GPHN: variants seen among roughly 807,000 people sequenced by gnomAD.
GPHN encodes the protein gephyrin.
A neutral mutation model predicts 95.5 loss-of-function variants in GPHN; 17 were observed. The observed-to-expected ratio is 0.18, with a 90% CI of 0.12 to 0.27. The LOEUF is 0.27. Ranked by LOEUF, GPHN falls within the 10% of genes least tolerant of loss-of-function variation. GPHN has a pLI of 1.00. For synonymous variants in GPHN, 320 were observed against 322.5 expected, an observed-to-expected ratio of 0.99 and a Z score of 0.08; for missense variants, 660 against 978.1, an observed-to-expected ratio of 0.67 and a Z score of 4.34.
the GPHN span, among the ~76,000 whole-genome samples, chr14:67,462,642 C>T: frequency 1.3e-5 from 2 of 152,188 alleles, no homozygotes; most frequent in African/African-American, 4.8e-5. Flanking sequence ...CCACGCCCGG[C>T]CAACAAAGAA....
chr14:66,723,636 G>T (rs1019557530), intron 2 of GPHN, among the ~76,000 whole-genome samples: 1 of 151,934 alleles, frequency 6.6e-6, no homozygotes, highest in African/African-American at 2.4e-5. Flanking sequence ...TTCTTAGGTT[G>T]CATTTATAGT....
At chr14:67,620,553 C>T in the GPHN span, among the ~76,000 whole-genome samples, 1 of 152,146 alleles carries the variant, frequency 6.6e-6, no homozygotes, top group Non-Finnish European at 1.5e-5. Flanking sequence ...TTGGAGCTGG[C>T]CTCTCCAGCG....
intron 5 of GPHN, 51 bp from the exon 6 acceptor site, chr14:66,915,952 A>G (rs1165193072): frequency 1.1e-6 from 1 of 946,746 alleles, no homozygotes; most frequent in South Asian, 1.3e-5. Flanking sequence ...ATGTATTTAA[A>G]CCGGGCATTC....
intron 5 of GPHN, among the ~76,000 whole-genome samples, chr14:66,883,699 A>G (rs2064040314): frequency 6.6e-6 from 1 of 152,038 alleles, no homozygotes; most frequent in Non-Finnish European, 1.5e-5. Flanking sequence ...CAGATTGTAA[A>G]TTCTGTCTCA....
At chr14:66,954,950 T>C (rs575206209) in intron 8 of GPHN, among the ~76,000 whole-genome samples, 1 of 152,336 alleles carries the variant, frequency 6.6e-6, no homozygotes, top group South Asian at 2.1e-4. Context: ...ACTCTTACAT[T>C]TTTGGAATAA....
chr14:66,708,171 C>T (rs1381624962), intron 2 of GPHN, among the ~76,000 whole-genome samples: 2 of 151,656 alleles, frequency 1.3e-5, no homozygotes, highest in South Asian at 2.1e-4. Flanking sequence ...TTCAAAGGCT[C>T]AAGCAATTTT....
chr14:67,030,931 A>G (rs1283481598), intron 10 of GPHN, among the ~76,000 whole-genome samples: 1 of 152,208 alleles, frequency 6.6e-6, no homozygotes, highest in Non-Finnish European at 1.5e-5. Flanking sequence ...AGAAACCAGT[A>G]TGGGAACAGA....
At chr14:67,422,433 G>A in the GPHN span, among the ~76,000 whole-genome samples, 1 of 152,194 alleles carries the variant, frequency 6.6e-6, no homozygotes, top group African/African-American at 2.4e-5. Context: ...AATACACTCT[G>A]TGTGAATTTG....
the GPHN span, among the ~76,000 whole-genome samples, chr14:67,536,589 G>A: frequency 6.6e-6 from 1 of 151,802 alleles, no homozygotes; most frequent in Non-Finnish European, 1.5e-5. Context: ...GGTGACCTCT[G>A]ACCTCTTTCT....
chr14:67,486,633 A>G, the GPHN span, among the ~76,000 whole-genome samples: 1 of 152,116 alleles, frequency 6.6e-6, no homozygotes, highest in South Asian at 2.1e-4. Context: ...CTTGCTACCA[A>G]CCTTGTAATA....
At chr14:67,476,447 TGTGGTGG>T in the GPHN span, among the ~76,000 whole-genome samples, 1 of 151,806 alleles carries the variant, frequency 6.6e-6, no homozygotes, top group Non-Finnish European at 1.5e-5. Flanking sequence ...ATTAGCTGGG[TGTGGTGG>T]CATGCACCTG....
chr14:66,960,603 AAAAC>A (rs2068835711), intron 8 of GPHN, among the ~76,000 whole-genome samples: 2 of 152,188 alleles, frequency 1.3e-5, no homozygotes, highest in Admixed American at 1.3e-4. Context: ...TAATAAAAAC[AAAAC>A]AAACAAATCA....
At chr14:66,634,857 A>T (rs1287831200) in intron 1 of GPHN, among the ~76,000 whole-genome samples, 1 of 152,228 alleles carries the variant, frequency 6.6e-6, no homozygotes, top group Non-Finnish European at 1.5e-5. Flanking sequence ...GGACAAGATC[A>T]CTAACTACTA....
At chr14:67,287,950 C>T in the GPHN span, among the ~76,000 whole-genome samples, 2 of 152,166 alleles carry the variant, frequency 1.3e-5, no homozygotes, top group African/African-American at 4.8e-5. Flanking sequence ...TTAAATTCCC[C>T]TGAGGTTGAA....
At chr14:66,699,141 T>C (rs777193766) in intron 2 of GPHN, among the ~76,000 whole-genome samples, 11 of 152,200 alleles carry the variant, frequency 7.2e-5, no homozygotes, top group Admixed American at 2.6e-4. Context: ...ACTAAATTAC[T>C]TGACCTTTCA....
intron 2 of GPHN, among the ~76,000 whole-genome samples, chr14:66,683,859 C>A (rs1342681855): frequency 6.6e-6 from 1 of 151,668 alleles, no homozygotes; most frequent in Admixed American, 6.6e-5. Context: ...CACCTGTAGT[C>A]CCAGCTACTC....
intron 1 of GPHN, among the ~76,000 whole-genome samples, chr14:66,517,255 C>T (rs1327258215): frequency 6.6e-6 from 1 of 150,862 alleles, no homozygotes; most frequent in Non-Finnish European, 1.5e-5. Flanking sequence ...AGAGTCTATA[C>T]AGAACATTTT....
intron 4 of GPHN, among the ~76,000 whole-genome samples, chr14:66,853,668 C>T (rs546805311): frequency 2.6e-5 from 4 of 152,294 alleles, no homozygotes; most frequent in East Asian, 1.9e-4. Flanking sequence ...CACCTGGCCC[C>T]GCCCAGGGCA....
chr14:66,871,102 A>G (rs572817029), intron 4 of GPHN, among the ~76,000 whole-genome samples: 4 of 152,138 alleles, frequency 2.6e-5, no homozygotes, highest in Non-Finnish European at 5.9e-5. Flanking sequence ...TGAGTTTTTC[A>G]TGTGCTGGGT....
Sources: allele counts gnomAD v4.1 joint callset (sites outside exome capture counted in the v4.1 genomes callset), GRCh38; gene constraint gnomAD v4.1.1; transcripts MANE v1.5; gene names NCBI Gene and HGNC (gene_info 2026-07-23, HGNC 2026-07-21).